Variants in RALGAPA2 observed in about 807,000 individuals in gnomAD.
The protein encoded by RALGAPA2 is Ral GTPase activating protein catalytic subunit alpha 2, also known as ral GTPase-activating protein subunit alpha-2.
A neutral mutation model predicts 230.4 loss-of-function variants in RALGAPA2; 139 were observed. The observed-to-expected ratio is 0.60, with a 90% confidence interval of 0.53 to 0.69. The LOEUF is 0.69. RALGAPA2 is among the 30% of genes least tolerant of loss of function. RALGAPA2 has a pLI of 0.00. For missense variants in RALGAPA2, 2,163 were observed against 2,276.0 expected (o/e 0.95, Z 1.01); for synonymous variants, 847 against 837.8 (o/e 1.01, Z -0.19).
rs934619394 is a variant in RALGAPA2 at position 20,516,847 on chromosome 20, C to T, written c.4085-3563G>A. On this transcript the variant is annotated intron_variant, in intron 31 of 39. Coordinates refer to ENST00000202677, the MANE Select transcript of RALGAPA2 (RefSeq NM_020343.4). Reference sequence around the variant, plus strand: ...TCCTAGGGAAAGTGGGAGAGCACCACATCAAGGGAACACCCCATGGGACAA... The same window carrying T: ...TCCTAGGGAAAGTGGGAGAGCACCATATCAAGGGAACACCCCATGGGACAA... Among the ~76,000 whole-genome samples, 39 of 152,198 alleles carry T rather than the reference C, an allele frequency of 2.6e-4. 1 individual carries two copies. The highest frequency in any genetic ancestry group is 2.5e-3 in the Admixed American group (38 of 15,286).
At position 20,704,830 on chromosome 20, in the gene RALGAPA2, CT is replaced by C. The variant is rs552012081; in HGVS notation, c.106+7544del. 1.8e-4 allele frequency among the ~76,000 whole-genome samples: 28 copies of C among 152,362 alleles called. No homozygotes were observed. In the South Asian group the frequency reaches 5.6e-3, roughly 30 times the overall value. ...GCCACAGGATAAAAGCCATTGTGCACTTAACTCCATGGTGCTACACACCATT... is the reference window on the plus strand; with the variant it reads ...GCCACAGGATAAAAGCCATTGTGCACTAACTCCATGGTGCTACACACCATT... On this transcript the variant is annotated intron_variant, in intron 1 of 39. Coordinates refer to ENST00000202677, the MANE Select transcript of RALGAPA2 (RefSeq NM_020343.4).
chr20:20,554,326 C>T (rs1194798189), intron 23 of RALGAPA2, among the ~76,000 whole-genome samples: 1 of 152,182 alleles, frequency 6.6e-6, no homozygotes. Flanking sequence ...GCACATAATA[C>T]TTTATTCCTT....
chr20:20,688,048 AAAT>A (rs529207709), intron 1 of RALGAPA2, among the ~76,000 whole-genome samples: 4 of 152,322 alleles, frequency 2.6e-5, no homozygotes, highest in African/African-American at 9.6e-5. Context: ...AAAACCTACA[AAAT>A]AAGACTTTCC....
chr20:20,594,126 T>G (rs1469232653), intron 16 of RALGAPA2, among the ~76,000 whole-genome samples: 1 of 152,184 alleles, frequency 6.6e-6, no homozygotes, highest in Non-Finnish European at 1.5e-5. Context: ...TGTAGTTGAC[T>G]ATCAATTGAG....
At chr20:20,578,587 A>T (rs1192619244) in intron 20 of RALGAPA2, among the ~76,000 whole-genome samples, 1 of 152,200 alleles carries the variant, frequency 6.6e-6, no homozygotes, top group Non-Finnish European at 1.5e-5. Flanking sequence ...AAGTCTTGGT[A>T]GTTGGCAAAA....
At chr20:20,654,868 A>G (rs1163315260) in intron 3 of RALGAPA2, among the ~76,000 whole-genome samples, 1 of 152,134 alleles carries the variant, frequency 6.6e-6, no homozygotes, top group African/African-American at 2.4e-5. Flanking sequence ...CCAACAGTAT[A>G]CCAGCATTTC....
intron 28 of RALGAPA2, among the ~76,000 whole-genome samples, chr20:20,525,293 T>C (rs1271029472): frequency 6.6e-6 from 1 of 152,220 alleles, no homozygotes; most frequent in Non-Finnish European, 1.5e-5. Flanking sequence ...TATCCTGGTG[T>C]AAACAGCACC....
At chr20:20,646,819 C>G (rs770632292) in intron 4 of RALGAPA2, among the ~76,000 whole-genome samples, 9 of 151,968 alleles carry the variant, frequency 5.9e-5, no homozygotes, top group Non-Finnish European at 1.2e-4. Context: ...TTTTTAATTA[C>G]TAATGTTCCG....
Position 20,521,111 on chromosome 20 carries a change from AG to A in RALGAPA2, c.3901-12del. 2 of 1,593,314 alleles carry A rather than the reference AG, an allele frequency of 1.3e-6. No homozygotes were observed. Among genetic ancestry groups the A allele is most frequent in the African/African-American group, 1.3e-5 (1 of 74,690 alleles). On this transcript the variant is annotated splice_polypyrimidine_tract_variant and intron_variant, in intron 30 of 39. Transcript: ENST00000202677. Reference sequence around the variant, plus strand: ...ACAGCAGTGCAAAACCTGTGAAAACAGAGGCCATGTGCACCACGGATGCTAC... The same window carrying A: ...ACAGCAGTGCAAAACCTGTGAAAACAAGGCCATGTGCACCACGGATGCTAC...
At chr20:20,529,565 C>T (rs904954674) in intron 27 of RALGAPA2, among the ~76,000 whole-genome samples, 1 of 152,112 alleles carries the variant, frequency 6.6e-6, no homozygotes, top group South Asian at 2.1e-4. Flanking sequence ...GCTTATAGTG[C>T]CATATTTTTA....
intron 16 of RALGAPA2, among the ~76,000 whole-genome samples, chr20:20,598,033 A>G (rs1007023995): frequency 1.3e-5 from 2 of 152,218 alleles, no homozygotes; most frequent in Non-Finnish European, 2.9e-5. Context: ...TGAAGTAAGT[A>G]GGCCAAAAAT....
intron 37 of RALGAPA2, among the ~76,000 whole-genome samples, chr20:20,443,287 C>A (rs980496600): frequency 2.0e-5 from 3 of 152,174 alleles, no homozygotes; most frequent in African/African-American, 4.8e-5. Context: ...AGGAAGGATG[C>A]ATAAAAAGCA....
rs185098171 is a variant in RALGAPA2 at position 20,534,798 on chromosome 20, T to C, written c.3473+947A>G. ...ATAATCAAACCTGATAAGGGAAGGA[T>C]GGGGAAGGAAAATTATAGGCCATCA... On this transcript the variant is annotated intron_variant, in intron 26 of 39. Transcript: ENST00000202677. Among the ~76,000 whole-genome samples, 384 of 152,288 alleles carry C rather than the reference T, an allele frequency of 2.5e-3. 4 individuals carry two copies. Among genetic ancestry groups the C allele is most frequent in the African/African-American group, 8.8e-3 (366 of 41,572 alleles).
intron 3 of RALGAPA2, among the ~76,000 whole-genome samples, chr20:20,660,575 T>C (rs1215641751): frequency 1.3e-5 from 2 of 152,092 alleles, no homozygotes; most frequent in Admixed American, 6.6e-5. Context: ...AAGCTCAAAG[T>C]GCCATGGAGA....
At chr20:20,705,422 A>G (rs6035676) in intron 1 of RALGAPA2, among the ~76,000 whole-genome samples, 145,159 of 152,156 alleles carry the variant, frequency 0.95, 69,275 homozygotes, top group Middle Eastern at 0.99. Flanking sequence ...TGCCCAGGCT[A>G]GTACTGAACT....
chr20:20,567,839 C>A (rs1401888053), intron 23 of RALGAPA2, among the ~76,000 whole-genome samples: 1 of 139,244 alleles, frequency 7.2e-6, no homozygotes, highest in Non-Finnish European at 1.5e-5. Flanking sequence ...GATACCCCAT[C>A]TCTAAAAAAA....
At chr20:20,397,002 C>T (rs1036515495) in intron 38 of RALGAPA2, among the ~76,000 whole-genome samples, 2 of 152,258 alleles carry the variant, frequency 1.3e-5, no homozygotes, top group Non-Finnish European at 2.9e-5. Context: ...AGGATCTATG[C>T]ATGCAGACCT....
intron 1 of RALGAPA2, among the ~76,000 whole-genome samples, chr20:20,696,295 T>C (rs964015803): frequency 6.6e-6 from 1 of 152,132 alleles, no homozygotes; most frequent in Non-Finnish European, 1.5e-5. Flanking sequence ...TCTTCCCTCT[T>C]CTCTTGTCTG....
At chr20:20,543,806 C>A (rs1272087356) in intron 24 of RALGAPA2, among the ~76,000 whole-genome samples, 3 of 151,584 alleles carry the variant, frequency 2.0e-5, no homozygotes, top group Non-Finnish European at 4.4e-5. Flanking sequence ...GTGCAGCACA[C>A]CAACATGACA....
Sources: allele counts gnomAD v4.1 joint callset (sites outside exome capture counted in the v4.1 genomes callset), GRCh38; gene constraint gnomAD v4.1.1; transcripts MANE v1.5; gene names NCBI Gene and HGNC (gene_info 2026-07-23, HGNC 2026-07-21).